The following ACAP2 variants were observed in gnomAD, a reference collection of about 807,000 sequenced individuals.
The protein encoded by ACAP2 is ArfGAP with coiled-coil, ankyrin repeat and PH domains 2.
ACAP2 carries 39 observed loss-of-function variants against 115.8 expected under a neutral mutation model. That is an observed-to-expected ratio of 0.34 (90% CI 0.26 to 0.44). The LOEUF (loss-of-function observed/expected upper bound fraction) is 0.44, where lower values mean the gene tolerates loss of function less well. ACAP2 is among the 20% of genes least tolerant of loss of function. The probability of loss-of-function intolerance (pLI) is 1.00; values close to 1 mark genes in which losing one functional copy is unlikely to be tolerated. For missense variants in ACAP2, 662 were observed against 927.6 expected (o/e 0.71, Z 3.72); for synonymous variants, 289 against 315.8 (o/e 0.92, Z 0.90).
At chr3:195,297,046 G>A (rs933819540) in intron 16 of ACAP2, 144 bp downstream of exon 16, 54 of 673,394 alleles carry the variant, frequency 8.0e-5, no homozygotes, top group African/African-American at 4.5e-4. Context: ...TTAACATACC[G>A]AAGAAAGAGA....
At chr3:195,430,445 G>A (rs59004692) in intron 1 of ACAP2, among the ~76,000 whole-genome samples, 42,078 of 152,052 alleles carry the variant, frequency 0.28, 6,584 homozygotes, top group East Asian at 0.71. Context: ...CAGGAGCAGT[G>A]GCTCACACCT....
chr3:195,319,572 A>C (rs1216623285), intron 10 of ACAP2, among the ~76,000 whole-genome samples: 1 of 152,246 alleles, frequency 6.6e-6, no homozygotes, highest in East Asian at 1.9e-4. Flanking sequence ...TTAGAGCTTT[A>C]AGATTTAATG....
rs758269739 is a variant in ACAP2 at position 195,342,454 on chromosome 3, A to G, written c.528+17T>C. On this transcript the variant is annotated intron_variant, in intron 6 of 22. Transcript: ENST00000326793. ...GTAAGCACTGTCTGAAAACATACACAGTAAGAAACTATATACCTGAAGCAC... is the reference window on the plus strand; with the variant it reads ...GTAAGCACTGTCTGAAAACATACACGGTAAGAAACTATATACCTGAAGCAC... 1 of 1,576,540 alleles carries G rather than the reference A, an allele frequency of 6.3e-7. No homozygotes were observed. The highest frequency in any genetic ancestry group is 1.4e-5 in the African/African-American group (1 of 72,436).
chr3:195,326,963 T>TA lies in ACAP2; in HGVS notation c.670-5dup, dbSNP rs1560246476. The TA allele has an allele frequency of 1.9e-6, 3 of 1,612,870 alleles. No individual in the cohort carries two copies. The highest frequency in any genetic ancestry group is 2.2e-5 in the East Asian group (1 of 44,796). ...CATCCACAACCAGTCGATCCAACTG[T>TA]AAAAAGGGAAAAGAGAAAACTGCAG... is the stretch of plus-strand genomic sequence containing the variant. On this transcript the variant is annotated splice_region_variant and splice_polypyrimidine_tract_variant and intron_variant, in intron 8 of 22. Coordinates refer to ENST00000326793, the MANE Select transcript of ACAP2 (RefSeq NM_012287.6).
chr3:195,413,754 A>C (rs1713481192), intron 1 of ACAP2, among the ~76,000 whole-genome samples: 1 of 152,104 alleles, frequency 6.6e-6, no homozygotes. Flanking sequence ...CTGTCTCTCA[A>C]AACAAAAACA....
At chr3:195,433,516 G>C (rs1715299644) in intron 1 of ACAP2, among the ~76,000 whole-genome samples, 1 of 152,148 alleles carries the variant, frequency 6.6e-6, no homozygotes, top group South Asian at 2.1e-4. Flanking sequence ...CAGGCTTCTT[G>C]CTCCTTATGT....
chr3:195,299,465 C>T (rs182766971), intron 15 of ACAP2, among the ~76,000 whole-genome samples: 137 of 151,816 alleles, frequency 9.0e-4, no homozygotes, highest in African/African-American at 3.2e-3. Flanking sequence ...ATTGTTCCAA[C>T]CCAGGAGACA....
At chr3:195,341,866 T>A (rs1047374982) in intron 6 of ACAP2, among the ~76,000 whole-genome samples, 1 of 152,180 alleles carries the variant, frequency 6.6e-6, no homozygotes, top group African/African-American at 2.4e-5. Context: ...TAGGGGCCCT[T>A]ATCCTAAAGG....
intron 1 of ACAP2, among the ~76,000 whole-genome samples, chr3:195,438,612 T>C (rs957399352): frequency 1.3e-5 from 2 of 152,168 alleles, no homozygotes; most frequent in South Asian, 2.1e-4. Context: ...GACTCATACC[T>C]GTAATCCCAG....
At chr3:195,303,418 AATAC>A (rs75733796) in intron 13 of ACAP2, among the ~76,000 whole-genome samples, 34,610 of 134,780 alleles carry the variant, frequency 0.26, 4,599 homozygotes, top group East Asian at 0.71. Flanking sequence ...TATGTACATA[AATAC>A]ATACATACAT....
intron 1 of ACAP2, among the ~76,000 whole-genome samples, chr3:195,404,660 TACAC>T: frequency 6.6e-6 from 1 of 150,432 alleles, no homozygotes; most frequent in African/African-American, 2.4e-5. Context: ...TTGCCATATA[TACAC>T]ACACACACAC....
At chr3:195,363,750 C>A (rs931343931) in intron 4 of ACAP2, among the ~76,000 whole-genome samples, 4 of 152,076 alleles carry the variant, frequency 2.6e-5, no homozygotes, top group South Asian at 2.1e-4. Flanking sequence ...AGCAGCATGG[C>A]ACTGGCATAG....
intron 17 of ACAP2, chr3:195,295,497 A>C (rs1216362430): frequency 4.7e-6 from 3 of 634,644 alleles, no homozygotes; most frequent in Non-Finnish European, 8.1e-6. Flanking sequence ...TATTCCTTAG[A>C]ATATACACAT....
At chr3:195,323,819 A>C (rs1010151986) in intron 9 of ACAP2, among the ~76,000 whole-genome samples, 2 of 152,014 alleles carry the variant, frequency 1.3e-5, no homozygotes, top group Non-Finnish European at 2.9e-5. Flanking sequence ...CAAAAAAAAA[A>C]CAGAATGAAT....
intron 22 of ACAP2, among the ~76,000 whole-genome samples, chr3:195,281,480 T>C (rs1463073961): frequency 6.6e-6 from 1 of 152,194 alleles, no homozygotes. Context: ...AAAAAGCAAC[T>C]ATTAACATCT....
At chr3:195,363,622 T>TACACAC (rs546329426) in intron 4 of ACAP2, among the ~76,000 whole-genome samples, 7 of 147,162 alleles carry the variant, frequency 4.8e-5, no homozygotes, top group African/African-American at 1.0e-4. Context: ...TGAAACCACA[T>TACACAC]ACACACACAC....
chr3:195,345,359 CAAAAT>C, intron 4 of ACAP2, 42 bp from the exon 5 acceptor site: 1 of 1,276,106 alleles, frequency 7.8e-7, no homozygotes, highest in South Asian at 1.2e-5. Context: ...GAAAAGTAAA[CAAAAT>C]AATTTTCTTA....
At chr3:195,341,291 G>T (rs6793035) in intron 6 of ACAP2, among the ~76,000 whole-genome samples, 122,862 of 147,996 alleles carry the variant, frequency 0.83, 51,190 homozygotes, top group East Asian at 0.94. Context: ...TAGTTTTTGG[G>T]TTTTTTCGTT....
At position 195,292,471 on chromosome 3, in the gene ACAP2, C is replaced by T; in HGVS notation, c.1766-19G>A. The T allele has an allele frequency of 6.4e-7, 1 of 1,571,258 alleles. No homozygotes were observed. The highest frequency in any genetic ancestry group is 1.4e-5 in the African/African-American group (1 of 72,470). ...TCTCCTTCTGAAAAGCAAACACATACACATCAATAAAAATGAGCTCTTGGC... is the reference window on the plus strand; with the variant it reads ...TCTCCTTCTGAAAAGCAAACACATATACATCAATAAAAATGAGCTCTTGGC... On this transcript the variant is annotated intron_variant, in intron 18 of 22. Transcript: ENST00000326793.
Sources: allele counts gnomAD v4.1 joint callset (sites outside exome capture counted in the v4.1 genomes callset), GRCh38; gene constraint gnomAD v4.1.1; transcripts MANE v1.5; gene names NCBI Gene and HGNC (gene_info 2026-07-23, HGNC 2026-07-21).